CNTN5: variants seen among roughly 807,000 people sequenced by gnomAD.
The protein encoded by CNTN5 is contactin 5, also known as contactin-5.
Under a neutral mutation model 129.1 loss-of-function variants are expected in CNTN5, and 77 were observed. That is an observed-to-expected ratio of 0.60 (90% confidence interval 0.50 to 0.72). The LOEUF is 0.72. Among genes scored for constraint, CNTN5 ranks in the 30% least tolerant of loss-of-function variants. CNTN5 has a pLI of 0.00. For missense variants in CNTN5, 1,478 were observed against 1,328.8 expected (o/e 1.11, Z -1.75); for synonymous variants, 509 against 465.6 (o/e 1.09, Z -1.20).
intron 2 of CNTN5, among the ~76,000 whole-genome samples, chr11:99,409,710 G>A (rs1942301988): frequency 6.6e-6 from 1 of 152,194 alleles, no homozygotes; most frequent in Non-Finnish European, 1.5e-5. Context: ...TGATGGAACC[G>A]AGTGAACTCG....
chr11:100,265,230 C>A (rs1281108944), intron 17 of CNTN5, among the ~76,000 whole-genome samples: 1 of 152,142 alleles, frequency 6.6e-6, no homozygotes, highest in Non-Finnish European at 1.5e-5. Flanking sequence ...CTAGGGCTAT[C>A]ACTAGATGTG....
intron 1 of CNTN5, among the ~76,000 whole-genome samples, chr11:99,323,049 T>C (rs1167916610): frequency 2.0e-5 from 3 of 152,160 alleles, no homozygotes; most frequent in Non-Finnish European, 4.4e-5. Context: ...GAGAAAAATA[T>C]AGGTTGGCAA....
intron 6 of CNTN5, among the ~76,000 whole-genome samples, chr11:99,865,108 A>G (rs1415403735): frequency 6.6e-6 from 1 of 152,188 alleles, no homozygotes; most frequent in Non-Finnish European, 1.5e-5. Flanking sequence ...CTTTGTCTTG[A>G]GACCTTGTAT....
intron 2 of CNTN5, among the ~76,000 whole-genome samples, chr11:99,359,758 G>A (rs1252083404): frequency 6.6e-6 from 1 of 152,032 alleles, no homozygotes; most frequent in Non-Finnish European, 1.5e-5. Context: ...CCTTACAGCT[G>A]TGAGCCTCTG....
intron 6 of CNTN5, among the ~76,000 whole-genome samples, chr11:99,895,879 C>T (rs762153476): frequency 5.3e-5 from 8 of 152,084 alleles, no homozygotes; most frequent in Admixed American, 2.0e-4. Context: ...AGCATTTTTC[C>T]GTGTCCCTAG....
chr11:99,773,731 C>G (rs1057512361), intron 3 of CNTN5, among the ~76,000 whole-genome samples: 1 of 151,964 alleles, frequency 6.6e-6, no homozygotes, highest in Non-Finnish European at 1.5e-5. Context: ...TTTAAAGTTG[C>G]TATCTGAGTA....
At chr11:99,709,450 T>C (rs1283725476) in intron 3 of CNTN5, among the ~76,000 whole-genome samples, 2 of 151,810 alleles carry the variant, frequency 1.3e-5, no homozygotes, top group African/African-American at 4.8e-5. Flanking sequence ...GAGAGTGAAA[T>C]TGTTTAAGAA....
chr11:99,132,840 A>C (rs7928470), intron 1 of CNTN5, among the ~76,000 whole-genome samples: 595 of 152,294 alleles, frequency 3.9e-3, no homozygotes, highest in African/African-American at 0.014. Context: ...CAAAGCAATT[A>C]ATAGATTAAA....
chr11:99,583,757 G>A (rs1379341195), intron 3 of CNTN5, among the ~76,000 whole-genome samples: 1 of 152,130 alleles, frequency 6.6e-6, no homozygotes, highest in African/African-American at 2.4e-5. Context: ...GGAATTCCTT[G>A]ACCCCTTGTG....
At chr11:99,201,020 TCC>T (rs1319547802) in intron 1 of CNTN5, among the ~76,000 whole-genome samples, 18 of 109,716 alleles carry the variant, frequency 1.6e-4, no homozygotes, top group African/African-American at 4.5e-4. Flanking sequence ...CTTCCTTCCT[TCC>T]TTTTTTTTTT....
chr11:99,695,721 A>G (rs1954239307), intron 3 of CNTN5, among the ~76,000 whole-genome samples: 1 of 152,022 alleles, frequency 6.6e-6, no homozygotes. Context: ...TACAAAATAA[A>G]TAAACAAATA....
chr11:99,869,377 G>A (rs1948441659), intron 6 of CNTN5, among the ~76,000 whole-genome samples: 1 of 152,088 alleles, frequency 6.6e-6, no homozygotes, highest in South Asian at 2.1e-4. Context: ...AGATTGTTGG[G>A]TAGTAGATAA....
rs144449560 is a variant in CNTN5, at chr11:99,260,910, C to T, written c.-209-64436C>T. On this transcript the variant is annotated intron_variant, in intron 1 of 24. Coordinates refer to ENST00000524871, the MANE Select transcript of CNTN5 (RefSeq NM_014361.4). ...CACTGATGGGAAATTCCAAACTCTT[C>T]GGAAGCAAGATGTGGGCATTTGTTT... Among the ~76,000 whole-genome samples the T allele has an allele frequency of 1.3e-4, 19 of 151,990 alleles. 1 individual carries two copies. In the East Asian group the frequency reaches 3.1e-3, roughly 25 times the overall value.
chr11:99,244,730 G>A (rs1861731945), intron 1 of CNTN5, among the ~76,000 whole-genome samples: 1 of 152,080 alleles, frequency 6.6e-6, no homozygotes, highest in Admixed American at 6.6e-5. Flanking sequence ...TTGGTGCTTA[G>A]GCATATGAAT....
At chr11:99,152,752 T>C (rs926196762) in intron 1 of CNTN5, among the ~76,000 whole-genome samples, 2 of 152,238 alleles carry the variant, frequency 1.3e-5, no homozygotes, top group Non-Finnish European at 2.9e-5. Context: ...ATGGTCCATG[T>C]ACTTAAATGT....
intron 3 of CNTN5, among the ~76,000 whole-genome samples, chr11:99,584,335 G>T (rs150809943): frequency 1.3e-5 from 2 of 152,122 alleles, no homozygotes; most frequent in African/African-American, 4.8e-5. Flanking sequence ...CACTGGCCCT[G>T]ATTACTGTTA....
chr11:100,239,657 A>C (rs536430973), intron 16 of CNTN5, among the ~76,000 whole-genome samples: 7 of 152,230 alleles, frequency 4.6e-5, no homozygotes, highest in Non-Finnish European at 1.0e-4. Flanking sequence ...TAGAATAATC[A>C]AATAAAATAG....
rs189687836 is a variant in CNTN5, at chr11:99,738,854, G to T, written c.56-80690G>T. ...TAAGGTGGCTTTTTAAAAAATGTATGTCAAAAGTTTTTTTCTATTGTCATG... is the reference window on the plus strand; with the variant it reads ...TAAGGTGGCTTTTTAAAAAATGTATTTCAAAAGTTTTTTTCTATTGTCATG... On this transcript the variant is annotated intron_variant, in intron 3 of 24. Transcript: ENST00000524871. 3.9e-3 allele frequency among the ~76,000 whole-genome samples: 587 copies of T among 152,256 alleles called. 1 individual carries two copies. The highest frequency in any genetic ancestry group is 0.011 in the South Asian group (53 of 4,830).
chr11:100,084,234 C>A (rs1944466339), intron 13 of CNTN5, among the ~76,000 whole-genome samples: 1 of 152,062 alleles, frequency 6.6e-6, no homozygotes, highest in Non-Finnish European at 1.5e-5. Flanking sequence ...CCAAAAGCCC[C>A]CCAGACTACA....
Sources: gnomAD v4.1 joint callset for allele counts (sites outside exome capture counted in the v4.1 genomes callset) on GRCh38, gnomAD v4.1.1 for gene constraint, MANE v1.5 for transcripts, NCBI Gene and HGNC (gene_info 2026-07-23, HGNC 2026-07-21) for gene names.